The following RSBN1L variants were observed in gnomAD, a reference collection of about 807,000 sequenced individuals.
The protein encoded by RSBN1L is lysine-specific demethylase RSBN1L.
RSBN1L carries 30 observed loss-of-function variants against 67.7 expected under a neutral mutation model. The observed-to-expected ratio is 0.44, with a 90% CI of 0.33 to 0.60. The LOEUF is 0.60. RSBN1L is among the 20% of genes least tolerant of loss of function. RSBN1L has a pLI of 0.02. For synonymous variants in RSBN1L, 433 were observed against 387.0 expected (o/e 1.12, Z -1.39); for missense variants, 992 against 1,031.7 (o/e 0.96, Z 0.53).
At chr7:77,707,879 G>C (rs540261881) in intron 1 of RSBN1L, among the ~76,000 whole-genome samples, 41 of 152,216 alleles carry the variant, frequency 2.7e-4, no homozygotes, top group African/African-American at 9.4e-4. Context: ...GTATAGACCT[G>C]TACTCAGCAC....
In RSBN1L at chr7:77,773,326, T is replaced by C. The variant is rs746847952; in HGVS notation, c.1793+12T>C. 1 of 1,449,798 alleles carries C rather than the reference T, an allele frequency of 6.9e-7. No homozygotes were observed. Among genetic ancestry groups the C allele is most frequent in the East Asian group, 2.4e-5 (1 of 41,346 alleles). The allele number at this position is 1,449,798 out of a possible 1,614,324, so 89.8% of individuals were successfully genotyped here. Reference sequence around the variant, plus strand: ...CACTGTGGAGAGTGGTATATATAACTACCGCTATTTTAATGAAAGAATTTC... The same window carrying C: ...CACTGTGGAGAGTGGTATATATAACCACCGCTATTTTAATGAAAGAATTTC... On this transcript the variant is annotated intron_variant, in intron 6 of 7. Coordinates refer to ENST00000334955, the MANE Select transcript of RSBN1L (RefSeq NM_198467.3).
At chr7:77,738,098 T>C (rs1462536313) in intron 2 of RSBN1L, among the ~76,000 whole-genome samples, 1 of 152,216 alleles carries the variant, frequency 6.6e-6, no homozygotes, top group East Asian at 1.9e-4. Flanking sequence ...CATTTTTTTT[T>C]CTGATTTAAT....
At chr7:77,740,579 A>G (rs954411329) in intron 2 of RSBN1L, among the ~76,000 whole-genome samples, 1 of 152,208 alleles carries the variant, frequency 6.6e-6, no homozygotes, top group South Asian at 2.1e-4. Context: ...ATATGTAATA[A>G]TGGGATGGGG....
chr7:77,703,094 G>A (rs1790839931), intron 1 of RSBN1L, among the ~76,000 whole-genome samples: 1 of 152,142 alleles, frequency 6.6e-6, no homozygotes, highest in Non-Finnish European at 1.5e-5. Context: ...AAAGCTACAA[G>A]TCTTGTCATT....
At chr7:77,743,034 A>G (rs1320658335) in intron 2 of RSBN1L, among the ~76,000 whole-genome samples, 2 of 148,364 alleles carry the variant, frequency 1.3e-5, no homozygotes, top group East Asian at 3.9e-4. Flanking sequence ...TTCAGTATTT[A>G]ATTACAGAAT....
chr7:77,765,129 T>G (rs1791745045), intron 3 of RSBN1L, among the ~76,000 whole-genome samples: 1 of 152,192 alleles, frequency 6.6e-6, no homozygotes, highest in Non-Finnish European at 1.5e-5. Flanking sequence ...TCATTTCACT[T>G]TAGAAAAATG....
chr7:77,718,004 G>A (rs1408071571), intron 1 of RSBN1L, among the ~76,000 whole-genome samples: 2 of 152,354 alleles, frequency 1.3e-5, no homozygotes, highest in Non-Finnish European at 2.9e-5. Flanking sequence ...GGGCGACAGA[G>A]CGAGACTGTG....
intron 1 of RSBN1L, among the ~76,000 whole-genome samples, chr7:77,725,502 C>T (rs1326955085): frequency 6.7e-6 from 1 of 149,490 alleles, no homozygotes; most frequent in Non-Finnish European, 1.5e-5. Context: ...CTGCCTCGGC[C>T]TCCCATAGTG....
intron 3 of RSBN1L, among the ~76,000 whole-genome samples, chr7:77,763,632 G>A (rs1290131555): frequency 6.6e-6 from 1 of 152,162 alleles, no homozygotes; most frequent in Non-Finnish European, 1.5e-5. Context: ...GGAATTTTTA[G>A]GCGACAGGAA....
chr7:77,745,259 T>C (rs1791466972), intron 2 of RSBN1L, among the ~76,000 whole-genome samples: 2 of 138,428 alleles, frequency 1.4e-5, no homozygotes, highest in South Asian at 2.3e-4. Flanking sequence ...CAAAACTCCG[T>C]CTCAAAAAAA....
chr7:77,762,950 G>C (rs6952760), intron 3 of RSBN1L, among the ~76,000 whole-genome samples: 86,729 of 151,794 alleles, frequency 0.57, 26,661 homozygotes, highest in African/African-American at 0.81. Flanking sequence ...CATCCCCTCC[G>C]CACAAGATAA....
At chr7:77,704,991 T>TTGTGTG (rs138276295) in intron 1 of RSBN1L, among the ~76,000 whole-genome samples, 1 of 149,136 alleles carries the variant, frequency 6.7e-6, no homozygotes, top group Non-Finnish European at 1.5e-5. Context: ...AAAAAAAAAG[T>TTGTGTG]TGTGTGTGTG....
chr7:77,736,423 C>T lies in RSBN1L; in HGVS notation c.600C>T (p.Asp200=), dbSNP rs371525807. ...VKPLPRDKIK[D]KIKERDKEKE... Reference sequence around the variant, plus strand: ...TTTGTCTTCCAGATAAAATCAAAGACAAAATTAAAGAGAGAGACAAAGAAA... The same window carrying T: ...TTTGTCTTCCAGATAAAATCAAAGATAAAATTAAAGAGAGAGACAAAGAAA... The change falls in exon 2 of 8, where the codon GAC becomes GAT. Residue 200 remains aspartate, a synonymous_variant. Coordinates refer to ENST00000334955, the MANE Select transcript of RSBN1L (RefSeq NM_198467.3). The T allele has an allele frequency of 2.4e-4, 242 of 1,023,872 alleles. 2 individuals are homozygous for T. In the African/African-American group the frequency reaches 3.9e-3, roughly 16 times the overall value. 63.4% of individuals were successfully genotyped at this position (1,023,872 alleles called of 1,614,324 possible). A position where few individuals can be genotyped will look rare whatever the true frequency, so the allele number is the denominator to read the frequency against.
chr7:77,750,673 A>G (rs1034933475), intron 3 of RSBN1L, among the ~76,000 whole-genome samples: 3 of 152,174 alleles, frequency 2.0e-5, no homozygotes, highest in Non-Finnish European at 2.9e-5. Context: ...GCCCATCTGA[A>G]AGGCTGGTGC....
At chr7:77,721,011 G>C (rs1303488769) in intron 1 of RSBN1L, among the ~76,000 whole-genome samples, 1 of 145,916 alleles carries the variant, frequency 6.9e-6, no homozygotes, top group Middle Eastern at 3.2e-3. Context: ...CAAAGTGCTG[G>C]GATTACAGCG....
At chr7:77,717,968 G>A (rs1274062954) in intron 1 of RSBN1L, among the ~76,000 whole-genome samples, 8 of 152,330 alleles carry the variant, frequency 5.3e-5, no homozygotes, top group African/African-American at 1.7e-4. Context: ...GCAGTGAGCC[G>A]AGATCGTGCT....
intron 2 of RSBN1L, among the ~76,000 whole-genome samples, chr7:77,740,292 GTTGT>G (rs985892138): frequency 6.6e-5 from 10 of 152,084 alleles, no homozygotes; most frequent in African/African-American, 9.7e-5. Context: ...GCATTTTTAT[GTTGT>G]TTATTAATGA....
rs149766391 is a variant in RSBN1L, at chr7:77,760,736, A to G, written c.1345-4759A>G. ...CAACCTCCGCCTCCTGGGTTCAAGC[A>G]TTCTCGTGCCTCACTCAGCCTCCTG... On this transcript the variant is annotated intron_variant, in intron 3 of 7. Transcript: ENST00000334955. Among the ~76,000 whole-genome samples, 942 of 152,226 alleles carry G rather than the reference A, an allele frequency of 6.2e-3. 5 individuals carry two copies. Among genetic ancestry groups the G allele is most frequent in the Middle Eastern group, 0.037 (11 of 294 alleles).
intron 1 of RSBN1L, among the ~76,000 whole-genome samples, chr7:77,710,646 A>G (rs1790959875): frequency 6.6e-6 from 1 of 150,912 alleles, no homozygotes; most frequent in Admixed American, 6.6e-5. Context: ...CTCAGGTTGG[A>G]GTGTAGTGGC....
Sources: allele counts gnomAD v4.1 joint callset (sites outside exome capture counted in the v4.1 genomes callset), GRCh38; gene constraint gnomAD v4.1.1; transcripts MANE v1.5; gene names NCBI Gene and HGNC (gene_info 2026-07-23, HGNC 2026-07-21).